The following TDRD5 variants were observed in gnomAD, a reference collection of about 807,000 sequenced individuals.
TDRD5 encodes the protein tudor domain-containing protein 5.
A neutral mutation model predicts 120.6 loss-of-function variants in TDRD5; 41 were observed. That is an observed-to-expected ratio of 0.34 (90% CI 0.26 to 0.44). The LOEUF is 0.44. Ranked by LOEUF, TDRD5 falls within the 20% of genes least tolerant of loss-of-function variation. The pLI is 1.00. For synonymous variants in TDRD5, 430 were observed against 433.7 expected (o/e 0.99, Z 0.11); for missense variants, 1,006 against 1,221.2 (o/e 0.82, Z 2.63).
intron 7 of TDRD5, among the ~76,000 whole-genome samples, chr1:179,632,417 G>A (rs1356803516): frequency 6.8e-6 from 1 of 146,816 alleles, no homozygotes; most frequent in Non-Finnish European, 1.5e-5. Flanking sequence ...TTTTCAAAAT[G>A]TAACTACCTT....
At chr1:179,679,435 T>A in intron 17 of TDRD5, among the ~76,000 whole-genome samples, 1 of 152,108 alleles carries the variant, frequency 6.6e-6, no homozygotes, top group Non-Finnish European at 1.5e-5. Context: ...GAAGAATTTG[T>A]GTGGAATTGA....
intron 16 of TDRD5, among the ~76,000 whole-genome samples, chr1:179,668,178 C>T (rs145704638): frequency 3.9e-5 from 6 of 152,100 alleles, no homozygotes; most frequent in Admixed American, 2.6e-4. Context: ...TTTGGCACTC[C>T]CTTCATTTAA....
In TDRD5 at chr1:179,675,997, G is replaced by A. The variant is rs532055259; in HGVS notation, c.2860+6593G>A. Among the ~76,000 whole-genome samples the A allele has an allele frequency of 6.6e-5, 10 of 152,198 alleles. No homozygotes were observed. The East Asian group carries it at 1.9e-3, about 29-fold the overall frequency. On this transcript the variant is annotated intron_variant, in intron 17 of 17. Transcript: ENST00000444136. ...TTGCCGTCGATATCTCATTTCTTAG[G>A]TCTAGTAGTAATTGTTTTATAAATT...
chr1:179,634,652 G>T (rs1210948873), intron 8 of TDRD5, 23 bp downstream of exon 8: 2 of 1,577,082 alleles, frequency 1.3e-6, no homozygotes, highest in East Asian at 4.5e-5. Context: ...TAAAGACTGT[G>T]CACTGGAGAT....
At chr1:179,650,769 C>T in intron 11 of TDRD5, 98 bp from the exon 12 acceptor site, 3 of 1,256,090 alleles carry the variant, frequency 2.4e-6, no homozygotes, top group East Asian at 2.3e-5. Context: ...TTTATTTCCA[C>T]TTAAATCTCT....
At chr1:179,683,798 A>G (rs966038636) in intron 17 of TDRD5, among the ~76,000 whole-genome samples, 1 of 149,336 alleles carries the variant, frequency 6.7e-6, no homozygotes, top group South Asian at 2.2e-4. Context: ...CACGTTGCTT[A>G]GCTCACCTGA....
chr1:179,593,339 T>C, intron 2 of TDRD5, 121 bp from the exon 3 acceptor site: 1 of 1,113,826 alleles, frequency 9.0e-7, no homozygotes, highest in Non-Finnish European at 1.2e-6. Context: ...AGTTACTGTT[T>C]ATCGTGCTGC....
chr1:179,593,654 T>G lies in TDRD5; in HGVS notation c.427T>G (p.Leu143Val). Reference protein sequence around the residue: ...AVVKSELKDLLALSPVLLSDF... With the variant: ...AVVKSELKDLVALSPVLLSDF... ...TGTGAAGAGTGAGTTGAAGGACCTG[T>G]TGGCGTTATCTCCTGTTCTTCTTTC... The change falls in exon 3 of 18, where the codon TTG becomes GTG. Residue 143 changes from leucine to valine, a missense_variant. Physicochemically the swap from Leu to Val is conservative, Grantham distance 32 (BLOSUM62 1). Coordinates refer to ENST00000444136, the MANE Select transcript of TDRD5 (RefSeq NM_001199085.3). 1 of 1,614,254 alleles carries G rather than the reference T, an allele frequency of 6.2e-7. No individual in the cohort carries two copies. The highest frequency in any genetic ancestry group is 1.1e-5 in the South Asian group (1 of 91,086).
chr1:179,606,549 A>G (rs1675994676), intron 4 of TDRD5, among the ~76,000 whole-genome samples: 1 of 152,060 alleles, frequency 6.6e-6, no homozygotes, highest in South Asian at 2.1e-4. Context: ...GTTATCTTCA[A>G]AGAGTTTTAT....
chr1:179,629,652 A>G (rs1677326665), intron 6 of TDRD5, among the ~76,000 whole-genome samples: 1 of 152,210 alleles, frequency 6.6e-6, no homozygotes, highest in African/African-American at 2.4e-5. Flanking sequence ...TGAAGACTGA[A>G]GGCAGCTTTG....
intron 17 of TDRD5, among the ~76,000 whole-genome samples, chr1:179,689,908 C>A (rs1681026068): frequency 6.6e-6 from 1 of 152,142 alleles, no homozygotes; most frequent in Admixed American, 6.5e-5. Context: ...TGGAAAAGTG[C>A]AGTATTAGGG....
At chr1:179,637,900 C>T (rs974187834) in intron 9 of TDRD5, among the ~76,000 whole-genome samples, 1 of 152,156 alleles carries the variant, frequency 6.6e-6, no homozygotes, top group Non-Finnish European at 1.5e-5. Flanking sequence ...TTGAGGAAAG[C>T]TTCACAAAAG....
chr1:179,672,823 A>G (rs1679926093), intron 17 of TDRD5, among the ~76,000 whole-genome samples: 1 of 152,104 alleles, frequency 6.6e-6, no homozygotes, highest in African/African-American at 2.4e-5. Context: ...TGGCTTGCCA[A>G]TTATCCTAGC....
At position 179,654,064 on chromosome 1, in the gene TDRD5, A is replaced by G. The variant is rs1572403677; in HGVS notation, c.2161-137A>G. 2.9e-5 allele frequency: 19 copies of G among 656,192 alleles called. No individual in the cohort carries two copies. In the East Asian group the frequency reaches 5.7e-4, roughly 20 times the overall value. The allele number at this position is 656,192 out of a possible 1,614,324, so 40.6% of individuals were successfully genotyped here. ...GGGTAGCAGGATGGGAAGACCTAGG[A>G]TCATGGATAAAGCTATAAAATAATG... is the stretch of plus-strand genomic sequence containing the variant. On this transcript the variant is annotated intron_variant, in intron 13 of 17. Transcript: ENST00000444136.
chr1:179,685,359 T>C (rs1163474725), intron 17 of TDRD5, among the ~76,000 whole-genome samples: 3 of 152,180 alleles, frequency 2.0e-5, no homozygotes, highest in Non-Finnish European at 4.4e-5. Flanking sequence ...GTTATAGATG[T>C]GTGGTATTAT....
chr1:179,654,350 G>A lies in TDRD5; in HGVS notation c.2310G>A (p.Lys770=). The stretch of plus-strand genomic sequence containing the variant: ...CCAACCCAGAACCAAACGATCTGAA[G>A]GAAGAAAATGAGGTAGGAGAAGGAA... ...KWSNPEPNDL[K]EENEDEIPTG... Residue 770 remains lysine (K), a synonymous_variant, in exon 14 of 18, where the codon AAG becomes AAA. Coordinates refer to ENST00000444136, the MANE Select transcript of TDRD5 (RefSeq NM_001199085.3). 3 of 1,527,448 alleles carry A rather than the reference G, an allele frequency of 2.0e-6. No individual in the cohort carries two copies. The highest frequency in any genetic ancestry group is 1.7e-4 in the Middle Eastern group (1 of 5,856). 94.6% of individuals were successfully genotyped at this position (1,527,448 alleles called of 1,614,324 possible).
intron 17 of TDRD5, among the ~76,000 whole-genome samples, chr1:179,677,039 A>G (rs748216374): frequency 2.0e-5 from 3 of 151,990 alleles, no homozygotes; most frequent in Admixed American, 6.6e-5. Flanking sequence ...GGCGTTGTTC[A>G]TTTTTTTAAA....
intron 16 of TDRD5, among the ~76,000 whole-genome samples, chr1:179,666,737 GT>G (rs1418255336): frequency 1.4e-4 from 22 of 152,192 alleles, no homozygotes; most frequent in African/African-American, 5.3e-4. Context: ...TTCCAGAGCA[GT>G]GGTGCCATTT....
chr1:179,620,894 C>A (rs564994087), intron 5 of TDRD5, 141 bp from the exon 6 acceptor site: 27 of 581,192 alleles, frequency 4.6e-5, no homozygotes, highest in African/African-American at 1.6e-4. Flanking sequence ...AACTCATTTT[C>A]AAAAAAAAAC....
Sources: allele counts gnomAD v4.1 joint callset (sites outside exome capture counted in the v4.1 genomes callset), GRCh38; gene constraint gnomAD v4.1.1; transcripts MANE v1.5; gene names NCBI Gene and HGNC (gene_info 2026-07-23, HGNC 2026-07-21).